The following EYS variants were observed in gnomAD, a reference collection of about 807,000 sequenced individuals.
The protein encoded by EYS is protein eyes shut homolog.
EYS carries 250 observed loss-of-function variants against 282.1 expected under a neutral mutation model. That is an observed-to-expected ratio of 0.89 (90% CI 0.80 to 0.98). The LOEUF (loss-of-function observed/expected upper bound fraction) is 0.98. Among genes scored for constraint, EYS ranks in the 50% least tolerant of loss-of-function variants. EYS has a pLI of 0.00. For synonymous variants in EYS, 1,355 were observed against 1,282.9 expected (o/e 1.06, Z -1.20); for missense variants, 4,016 against 3,709.0 (o/e 1.08, Z -2.15).
intron 26 of EYS, among the ~76,000 whole-genome samples, chr6:64,575,721 A>G (rs1324427329): frequency 6.6e-6 from 1 of 152,140 alleles, no homozygotes; most frequent in African/African-American, 2.4e-5. Flanking sequence ...GGTACATAGT[A>G]TTAAAATTCA....
chr6:64,819,197 T>C (rs778493753), intron 21 of EYS, among the ~76,000 whole-genome samples: 11 of 152,144 alleles, frequency 7.2e-5, no homozygotes, highest in Non-Finnish European at 1.6e-4. Flanking sequence ...GAGAGAGATG[T>C]AGATCACTTT....
intron 22 of EYS, among the ~76,000 whole-genome samples, chr6:64,759,346 A>G (rs1773085290): frequency 6.6e-6 from 1 of 152,160 alleles, no homozygotes; most frequent in Non-Finnish European, 1.5e-5. Context: ...CTCTTAGTCT[A>G]TTTGTACAAA....
intron 29 of EYS, among the ~76,000 whole-genome samples, chr6:64,360,418 C>T (rs184164686): frequency 4.6e-5 from 7 of 151,816 alleles, no homozygotes; most frequent in African/African-American, 4.8e-5. Context: ...AGAAGTTACT[C>T]GGCCTTCTTG....
In EYS at chr6:64,158,925, A is replaced by G. The variant is rs1184266910; in HGVS notation, c.6424+71667T>C. Among the ~76,000 whole-genome samples the G allele has an allele frequency of 2.6e-5, 4 of 152,232 alleles. No homozygotes were observed. The East Asian group carries it at 5.8e-4, about 22-fold the overall frequency. On this transcript the variant is annotated intron_variant, in intron 31 of 42. Coordinates refer to ENST00000503581, the MANE Select transcript of EYS (RefSeq NM_001142800.2). ...TTCAACAAACATTTAGTGAACACCT[A>G]TGTGCAAGAATAGTGTTGGGTGTTG...
intron 13 of EYS, among the ~76,000 whole-genome samples, chr6:65,030,614 C>T (rs1772570481): frequency 6.6e-6 from 1 of 152,182 alleles, no homozygotes; most frequent in Admixed American, 6.5e-5. Context: ...CTGACAGATT[C>T]CATCGGGGTA....
At chr6:64,130,066 T>C (rs1211877569) in intron 31 of EYS, among the ~76,000 whole-genome samples, 7 of 152,206 alleles carry the variant, frequency 4.6e-5, no homozygotes, top group Non-Finnish European at 7.3e-5. Context: ...GGTAGCGTGA[T>C]GCCTCCAGCT....
intron 7 of EYS, among the ~76,000 whole-genome samples, chr6:65,391,681 A>G (rs1766039455): frequency 6.6e-6 from 1 of 152,214 alleles, no homozygotes; most frequent in African/African-American, 2.4e-5. Flanking sequence ...GGATACAAAC[A>G]AATGGAAGAA....
intron 1 of EYS, among the ~76,000 whole-genome samples, chr6:65,657,980 A>G (rs1767884757): frequency 6.6e-6 from 1 of 151,892 alleles, no homozygotes. Context: ...CTGGAGAGTC[A>G]GATGATCACT....
chr6:65,465,699 C>T (rs769407471), intron 5 of EYS, among the ~76,000 whole-genome samples: 10 of 152,176 alleles, frequency 6.6e-5, no homozygotes, highest in East Asian at 3.9e-4. Flanking sequence ...AATCAGGCCA[C>T]GCATGGTCGC....
chr6:65,168,563 A>T (rs1216123734), intron 12 of EYS, among the ~76,000 whole-genome samples: 1 of 151,062 alleles, frequency 6.6e-6, no homozygotes, highest in Non-Finnish European at 1.5e-5. Context: ...AATCCTATTC[A>T]TGAGGGCTAC....
intron 2 of EYS, among the ~76,000 whole-genome samples, chr6:65,611,432 T>C (rs1185235530): frequency 6.6e-6 from 1 of 152,036 alleles, no homozygotes; most frequent in Non-Finnish European, 1.5e-5. Context: ...AGAAAGACTA[T>C]TTCTTGTTTT....
At chr6:65,177,436 G>C (rs976819107) in intron 12 of EYS, among the ~76,000 whole-genome samples, 1 of 151,688 alleles carries the variant, frequency 6.6e-6, no homozygotes, top group Admixed American at 6.6e-5. Flanking sequence ...ATATTAATTT[G>C]CCAATTAAGT....
chr6:64,375,249 A>T (rs1267076141), intron 29 of EYS, among the ~76,000 whole-genome samples: 1 of 152,232 alleles, frequency 6.6e-6, no homozygotes, highest in Non-Finnish European at 1.5e-5. Context: ...ATGGCAAGCA[A>T]AGAATGACTT....
intron 12 of EYS, among the ~76,000 whole-genome samples, chr6:65,219,861 CCAT>C (rs1448674145): frequency 6.6e-6 from 1 of 152,052 alleles, no homozygotes; most frequent in Non-Finnish European, 1.5e-5. Context: ...CCTTAAAAAA[CCAT>C]CAGATCTCAT....
At chr6:64,763,058 C>T (rs1296601627) in intron 22 of EYS, among the ~76,000 whole-genome samples, 1 of 152,104 alleles carries the variant, frequency 6.6e-6, no homozygotes, top group Non-Finnish European at 1.5e-5. Flanking sequence ...TATTGGATTG[C>T]TTGCCATGGT....
In EYS at chr6:63,765,482, C is replaced by CTT. The variant is rs1207967039; in HGVS notation, c.7899-2851_7899-2850dup. On this transcript the variant is annotated intron_variant, in intron 40 of 42. Transcript: ENST00000503581. Reference sequence around the variant, plus strand: ...TGAACAGCAGGCTCAGGCAGTTCAACTTTTTTTTTTTTAAAACTATTTATT... The same window carrying CTT: ...TGAACAGCAGGCTCAGGCAGTTCAACTTTTTTTTTTTTTTAAAACTATTTATT... Among the ~76,000 whole-genome samples, 164 of 145,898 alleles carry CTT rather than the reference C, an allele frequency of 1.1e-3. 1 individual carries two copies. The highest frequency in any genetic ancestry group is 3.7e-3 in the African/African-American group (149 of 40,100).
At chr6:63,759,559 ACTTAT>A (rs1769579834) in intron 41 of EYS, among the ~76,000 whole-genome samples, 1 of 152,160 alleles carries the variant, frequency 6.6e-6, no homozygotes, top group Non-Finnish European at 1.5e-5. Flanking sequence ...GCCAGTGCCT[ACTTAT>A]CTTTTACTTT....
rs114079549 is a variant in EYS at position 64,112,458 on chromosome 6, C to T, written c.6425-30456G>A. 6.8e-3 allele frequency among the ~76,000 whole-genome samples: 1,025 copies of T among 151,670 alleles called. 10 individuals are homozygous for T. The highest frequency in any genetic ancestry group is 0.023 in the African/African-American group (946 of 41,404). ...TTATAAGGTATATGTTTATGGAGTA[C>T]AAAGTGACATTATAGTATATATAAA... is the stretch of plus-strand genomic sequence containing the variant. On this transcript the variant is annotated intron_variant, in intron 31 of 42. Transcript: ENST00000503581.
At chr6:65,513,994 T>C (rs893054120) in intron 2 of EYS, among the ~76,000 whole-genome samples, 2 of 152,098 alleles carry the variant, frequency 1.3e-5, no homozygotes, top group East Asian at 1.9e-4. Flanking sequence ...AAAGAGGAAG[T>C]CAAATTGTCC....
Sources: gnomAD v4.1 joint callset for allele counts (sites outside exome capture counted in the v4.1 genomes callset) on GRCh38, gnomAD v4.1.1 for gene constraint, MANE v1.5 for transcripts, NCBI Gene and HGNC (gene_info 2026-07-23, HGNC 2026-07-21) for gene names.